The following SLC35F4 variants were observed in gnomAD, a reference collection of about 807,000 sequenced individuals.
SLC35F4 encodes chromosome 14 open reading frame 36.
Under a neutral mutation model 44.2 loss-of-function variants are expected in SLC35F4, and 24 were observed. That is an observed-to-expected ratio of 0.54 (90% CI 0.39 to 0.76). The LOEUF (loss-of-function observed/expected upper bound fraction) is 0.76. Among genes scored for constraint, SLC35F4 ranks in the 30% least tolerant of loss-of-function variants. The probability of loss-of-function intolerance (pLI) is 0.00; values close to 1 mark genes in which losing one functional copy is unlikely to be tolerated. For missense variants in SLC35F4, 562 were observed against 586.1 expected (o/e 0.96, Z 0.42); for synonymous variants, 238 against 223.6 (o/e 1.06, Z -0.57).
At chr14:57,823,937 A>G (rs1883448218) in intron 1 of SLC35F4, among the ~76,000 whole-genome samples, 1 of 152,154 alleles carries the variant, frequency 6.6e-6, no homozygotes, top group Non-Finnish European at 1.5e-5. Flanking sequence ...TTTCTTGTAC[A>G]TTTTAAGATT....
At chr14:57,572,059 C>T (rs1357885544) in intron 4 of SLC35F4, 40 bp from the exon 5 acceptor site, 1 of 1,586,224 alleles carries the variant, frequency 6.3e-7, no homozygotes, top group African/African-American at 1.3e-5. Context: ...AGCAATGATC[C>T]CTCTGTATCC....
intron 1 of SLC35F4, among the ~76,000 whole-genome samples, chr14:57,614,251 T>A (rs982004201): frequency 2.6e-5 from 4 of 152,074 alleles, no homozygotes; most frequent in African/African-American, 9.7e-5. Flanking sequence ...ATTTTGAGAG[T>A]TAGTGATTGA....
chr14:57,663,202 C>A (rs73305913), intron 1 of SLC35F4, among the ~76,000 whole-genome samples: 1 of 152,050 alleles, frequency 6.6e-6, no homozygotes, highest in Non-Finnish European at 1.5e-5. Context: ...TCAGTTTTAC[C>A]GTATAGATGT....
intron 1 of SLC35F4, among the ~76,000 whole-genome samples, chr14:57,708,547 G>T (rs2075734243): frequency 6.6e-6 from 1 of 152,240 alleles, no homozygotes; most frequent in Non-Finnish European, 1.5e-5. Context: ...TAGTGATGTG[G>T]ACAATGAAGT....
chr14:57,977,295 G>A (rs377493047), intron 1 of SLC35F4, among the ~76,000 whole-genome samples: 16 of 152,276 alleles, frequency 1.1e-4, no homozygotes, highest in African/African-American at 3.6e-4. Context: ...TGTGGTGCAG[G>A]CTGCTCTGCC....
At chr14:57,763,872 T>G (rs1450584856) in intron 1 of SLC35F4, among the ~76,000 whole-genome samples, 2 of 152,140 alleles carry the variant, frequency 1.3e-5, no homozygotes, top group Non-Finnish European at 2.9e-5. Context: ...GTTATCTAAT[T>G]AACCTACCCA....
At chr14:57,736,232 CT>C (rs1282050385) in intron 1 of SLC35F4, among the ~76,000 whole-genome samples, 1 of 152,178 alleles carries the variant, frequency 6.6e-6, no homozygotes, top group Non-Finnish European at 1.5e-5. Context: ...AAATCTAAGC[CT>C]TTTCTTAGAA....
chr14:57,790,678 G>A (rs1352470248), intron 1 of SLC35F4, among the ~76,000 whole-genome samples: 1 of 152,096 alleles, frequency 6.6e-6, no homozygotes, highest in Non-Finnish European at 1.5e-5. Context: ...ACATAGCCAA[G>A]ACAATCCTAA....
At chr14:57,712,222 C>G (rs1467764038) in intron 1 of SLC35F4, among the ~76,000 whole-genome samples, 9 of 152,212 alleles carry the variant, frequency 5.9e-5, no homozygotes, top group Admixed American at 5.9e-4. Context: ...GCTGTGTTCT[C>G]TGCTACTGAA....
chr14:57,802,294 A>T (rs528636188), intron 1 of SLC35F4, among the ~76,000 whole-genome samples: 1 of 152,344 alleles, frequency 6.6e-6, no homozygotes, highest in East Asian at 1.9e-4. Context: ...GAACAAAAAG[A>T]TAATGTACCA....
chr14:57,582,637 AC>A (rs765047178), intron 3 of SLC35F4, among the ~76,000 whole-genome samples: 1 of 152,082 alleles, frequency 6.6e-6, no homozygotes, highest in Non-Finnish European at 1.5e-5. Flanking sequence ...TTTTTTTCCC[AC>A]TCGATTGTTC....
At chr14:57,907,687 G>A (rs1473167278) in intron 1 of SLC35F4, among the ~76,000 whole-genome samples, 1 of 151,626 alleles carries the variant, frequency 6.6e-6, no homozygotes, top group Non-Finnish European at 1.5e-5. Flanking sequence ...ATTAGTGTTT[G>A]CTTGCCTATT....
At chr14:57,885,942 C>A (rs1379523742) in intron 1 of SLC35F4, among the ~76,000 whole-genome samples, 1 of 152,110 alleles carries the variant, frequency 6.6e-6, no homozygotes, top group East Asian at 1.9e-4. Context: ...ATGAAGTATT[C>A]CCACTAGGGT....
chr14:57,886,544 G>T (rs1376987799), intron 1 of SLC35F4, among the ~76,000 whole-genome samples: 1 of 152,164 alleles, frequency 6.6e-6, no homozygotes, highest in Non-Finnish European at 1.5e-5. Flanking sequence ...AGCAGGAAAG[G>T]CATAGAAAGA....
chr14:57,576,187 A>G (rs1214665642), intron 4 of SLC35F4, among the ~76,000 whole-genome samples: 1 of 152,146 alleles, frequency 6.6e-6, no homozygotes, highest in Non-Finnish European at 1.5e-5. Flanking sequence ...ATGAACCTTT[A>G]GTTGCTTCTC....
intron 1 of SLC35F4, among the ~76,000 whole-genome samples, chr14:57,726,817 G>A (rs1177438073): frequency 1.3e-5 from 2 of 152,140 alleles, no homozygotes; most frequent in African/African-American, 4.8e-5. Flanking sequence ...TGTTGCCAAA[G>A]GAAGTTAGCA....
rs148514527 is a variant in SLC35F4 at position 57,809,853 on chromosome 14, T to C, written c.103+55870A>G. The stretch of plus-strand genomic sequence containing the variant: ...TCATCTTCCAGCAAACTCTGCTCTG[T>C]AATTTAATGAGTTTTCTCTTTCTGC... On this transcript the variant is annotated intron_variant, in intron 1 of 7. Coordinates refer to ENST00000556826, the MANE Select transcript of SLC35F4 (RefSeq NM_001306087.2). 2.7e-3 allele frequency among the ~76,000 whole-genome samples: 413 copies of C among 152,344 alleles called. 3 individuals are homozygous for C. The highest frequency in any genetic ancestry group is 8.6e-3 in the African/African-American group (357 of 41,578).
At chr14:57,605,888 C>T (rs1185051911) in intron 1 of SLC35F4, among the ~76,000 whole-genome samples, 2 of 152,156 alleles carry the variant, frequency 1.3e-5, no homozygotes, top group Non-Finnish European at 2.9e-5. Context: ...CATGTTCTCA[C>T]TTGCAGGTGG....
At chr14:57,572,221 T>C (rs1202871351) in intron 4 of SLC35F4, among the ~76,000 whole-genome samples, 2 of 152,226 alleles carry the variant, frequency 1.3e-5, no homozygotes, top group Non-Finnish European at 1.5e-5. Flanking sequence ...TAAAAGCTGT[T>C]CACATTCTAA....
Sources: gnomAD v4.1 joint callset for allele counts (sites outside exome capture counted in the v4.1 genomes callset) on GRCh38, gnomAD v4.1.1 for gene constraint, MANE v1.5 for transcripts, NCBI Gene and HGNC (gene_info 2026-07-23, HGNC 2026-07-21) for gene names.